The following STAM2 variants were observed in gnomAD, a reference collection of about 807,000 sequenced individuals.
STAM2 encodes signal transducing adapter molecule 2.
In STAM2, 51 loss-of-function variants were observed where a neutral mutation model predicts 65.6. That is an observed-to-expected ratio of 0.78 (90% CI 0.62 to 0.98). The LOEUF (loss-of-function observed/expected upper bound fraction) is 0.98, where lower values mean the gene tolerates loss of function less well. Among genes scored for constraint, STAM2 ranks in the 50% least tolerant of loss-of-function variants. STAM2 has a pLI of 0.00. For missense variants in STAM2, 584 were observed against 617.8 expected (o/e 0.95, Z 0.58); for synonymous variants, 198 against 208.4 (o/e 0.95, Z 0.43).
intron 1 of STAM2, among the ~76,000 whole-genome samples, chr2:152,169,911 T>A (rs1029247276): frequency 6.6e-6 from 1 of 151,058 alleles, no homozygotes; most frequent in Non-Finnish European, 1.5e-5. Context: ...TGGAGTGCAG[T>A]GGCACAATCT....
chr2:152,159,664 GT>G (rs1484194866), intron 1 of STAM2, among the ~76,000 whole-genome samples: 2 of 152,120 alleles, frequency 1.3e-5, no homozygotes, highest in Non-Finnish European at 2.9e-5. Flanking sequence ...CATTGGAAAA[GT>G]ATGGTTATTG....
rs780451243 is a variant in STAM2, at chr2:152,144,928, C to A, written c.477G>T (p.Thr159=). The change falls in exon 6 of 14, where the codon ACG becomes ACT. Residue 159 remains threonine (T), a synonymous_variant. Coordinates refer to ENST00000263904, the MANE Select transcript of STAM2 (RefSeq NM_005843.6). ...CATCCTCTTTGTTTTTGTTCGATGACGTACCATTCTTGGCAGCAGCTGAGA... is the reference window on the plus strand; with the variant it reads ...CATCCTCTTTGTTTTTGTTCGATGAAGTACCATTCTTGGCAGCAGCTGAGA... ...QTVSAAAKNG[T]SSNKNKEDED... 1.2e-6 allele frequency: 2 copies of A among 1,613,914 alleles called. No individual in the cohort carries two copies. Among genetic ancestry groups the A allele is most frequent in the South Asian group, 1.1e-5 (1 of 91,058 alleles).
intron 5 of STAM2, among the ~76,000 whole-genome samples, chr2:152,146,434 T>C (rs1433120536): frequency 1.3e-5 from 2 of 151,986 alleles, no homozygotes; most frequent in African/African-American, 2.4e-5. Context: ...TTTTCTCCCC[T>C]AGACCTAAAA....
At chr2:152,127,984 T>G (rs191546424) in intron 11 of STAM2, among the ~76,000 whole-genome samples, 6 of 152,124 alleles carry the variant, frequency 3.9e-5, no homozygotes, top group African/African-American at 1.4e-4. Context: ...ACCAAGTAAA[T>G]AGCCTGGACT....
chr2:152,163,187 A>G (rs1375607712), intron 1 of STAM2, among the ~76,000 whole-genome samples: 1 of 152,216 alleles, frequency 6.6e-6, no homozygotes, highest in Non-Finnish European at 1.5e-5. Flanking sequence ...GAATGGAGGG[A>G]CTGGCTGGAG....
intron 1 of STAM2, among the ~76,000 whole-genome samples, chr2:152,167,460 A>T (rs1689807660): frequency 6.6e-6 from 1 of 152,252 alleles, no homozygotes; most frequent in African/African-American, 2.4e-5. Flanking sequence ...AAAACAAAGG[A>T]TGAGGGAAAA....
Position 152,148,026 on chromosome 2 carries a change from T to C in STAM2, c.298A>G (p.Lys100Glu). ...GTTCTTCTGTTTTTAAAATTTACCT[T>C]ATTTTTAATCACAGCACGTACTTCT... is the stretch of plus-strand genomic sequence containing the variant. ...ATEVRAVIKN[K>E]AHPKVCEKLK... The change falls in exon 4 of 14, where the codon AAG (lysine) becomes GAG (glutamate). Residue 100 changes from lysine (K) to glutamate (E), a missense_variant and splice_region_variant. Physicochemically the swap from Lys to Glu is moderately conservative, Grantham distance 56. Coordinates refer to ENST00000263904, the MANE Select transcript of STAM2 (RefSeq NM_005843.6). 1 of 1,598,558 alleles carries C rather than the reference T, an allele frequency of 6.3e-7. No individual in the cohort carries two copies. Among genetic ancestry groups the C allele is most frequent in the Non-Finnish European group, 8.5e-7 (1 of 1,173,292 alleles).
chr2:152,123,846 A>G lies in STAM2; in HGVS notation c.1269T>C (p.Asp423=). The G allele has an allele frequency of 6.2e-7, 1 of 1,614,156 alleles. No individual in the cohort carries two copies. The highest frequency in any genetic ancestry group is 1.1e-5 in the South Asian group (1 of 91,082). Residue 423 remains aspartate, a synonymous_variant, in exon 13 of 14, where the codon GAT becomes GAC. Transcript: ENST00000263904. ...GCAGAGATCTCAGTGGACCAATTTG[A>G]TCGGGTCCTAGGCTATAGCTTTGGG... ...TVAQSYSLGP[D]QIGPLRSLPP... is the part of the protein sequence containing the mutation.
intron 1 of STAM2, among the ~76,000 whole-genome samples, chr2:152,167,697 C>T (rs1265175936): frequency 4.0e-5 from 6 of 151,818 alleles, no homozygotes; most frequent in Admixed American, 1.3e-4. Flanking sequence ...GAGTCCAAGA[C>T]CAGCCTGGAC....
intron 1 of STAM2, among the ~76,000 whole-genome samples, chr2:152,158,506 G>A (rs1187463657): frequency 6.6e-6 from 1 of 152,076 alleles, no homozygotes; most frequent in African/African-American, 2.4e-5. Flanking sequence ...TGTAATACCC[G>A]ATCACGTGGA....
chr2:152,147,916 C>A, intron 4 of STAM2, 108 bp downstream of exon 4: 1 of 841,110 alleles, frequency 1.2e-6, no homozygotes, highest in African/African-American at 1.7e-5. Context: ...TTTCAATGAT[C>A]TAAAAATGAC....
At chr2:152,129,326 T>G (rs1689017511) in intron 11 of STAM2, among the ~76,000 whole-genome samples, 2 of 152,034 alleles carry the variant, frequency 1.3e-5, no homozygotes, top group South Asian at 4.1e-4. Flanking sequence ...ATTAAAAAAT[T>G]TTTTTGTAGA....
rs577086401 is a variant in STAM2 at position 152,140,330 on chromosome 2, C to T, written c.704+3497G>A. On this transcript the variant is annotated intron_variant, in intron 7 of 13. Transcript: ENST00000263904. Reference sequence around the variant, plus strand: ...TATTGATAAGCAAGAAAACAAGGCACGAACAAACAAAAAACTCTGCACTCT... The same window carrying T: ...TATTGATAAGCAAGAAAACAAGGCATGAACAAACAAAAAACTCTGCACTCT... Among the ~76,000 whole-genome samples, 24 of 152,224 alleles carry T rather than the reference C, an allele frequency of 1.6e-4. No homozygotes were observed. In the South Asian group the frequency reaches 4.4e-3, roughly 28 times the overall value.
intron 1 of STAM2, among the ~76,000 whole-genome samples, chr2:152,170,482 CAAAA>C (rs111603376): frequency 2.9e-5 from 3 of 101,862 alleles, no homozygotes; most frequent in African/African-American, 3.5e-5. Flanking sequence ...GACTCCGTCT[CAAAA>C]AAAAAAAAAA....
intron 1 of STAM2, among the ~76,000 whole-genome samples, chr2:152,172,366 G>A (rs1009506349): frequency 6.6e-6 from 1 of 152,044 alleles, no homozygotes; most frequent in Non-Finnish European, 1.5e-5. Flanking sequence ...ATTCATGAGT[G>A]CCTTCCTAAG....
intron 6 of STAM2, 122 bp from the exon 7 acceptor site, chr2:152,144,135 A>AACT (rs1689298745): frequency 2.1e-6 from 1 of 481,346 alleles, no homozygotes; most frequent in Admixed American, 3.6e-5. Context: ...TACATGCTAC[A>AACT]GTTAACTTTC....
intron 1 of STAM2, among the ~76,000 whole-genome samples, chr2:152,157,138 C>T (rs1033988509): frequency 1.3e-5 from 2 of 151,994 alleles, no homozygotes; most frequent in African/African-American, 4.8e-5. Context: ...AAGGACTAGC[C>T]CAAGAAGAGC....
Position 152,175,743 on chromosome 2 carries a change from T to G in STAM2, c.-101A>C. 7.7e-7 allele frequency: 1 copy of G among 1,296,448 alleles called. No individual in the cohort carries two copies. 80.3% of individuals were successfully genotyped at this position (1,296,448 alleles called of 1,614,324 possible). On this transcript the variant is annotated 5_prime_UTR_variant, in exon 1 of 14. Transcript: ENST00000263904. ...CCGCGGCTCCCTAGACCGCTCCGCT[T>G]CGGCCTCCGTCCCTGCACTTCCGCC...
At chr2:152,144,093 TA>T in intron 6 of STAM2, 80 bp from the exon 7 acceptor site, 2 of 1,285,208 alleles carry the variant, frequency 1.6e-6, no homozygotes, top group Non-Finnish European at 1.1e-6. Flanking sequence ...TAAAATTTAA[TA>T]AGAATAAATC....
Sources: gnomAD v4.1 joint callset for allele counts (sites outside exome capture counted in the v4.1 genomes callset) on GRCh38, gnomAD v4.1.1 for gene constraint, MANE v1.5 for transcripts, NCBI Gene and HGNC (gene_info 2026-07-23, HGNC 2026-07-21) for gene names.